Variants in SIPA1L3 observed in about 807,000 individuals in gnomAD.
The protein encoded by SIPA1L3 is signal induced proliferation associated 1 like 3.
In SIPA1L3, 59 loss-of-function variants were observed where a neutral mutation model predicts 150.1. The observed-to-expected ratio is 0.39, with a 90% confidence interval of 0.32 to 0.49. The LOEUF (loss-of-function observed/expected upper bound fraction) is 0.49, where lower values mean the gene tolerates loss of function less well. Ranked by LOEUF, SIPA1L3 falls within the 20% of genes least tolerant of loss-of-function variation. The probability of loss-of-function intolerance (pLI) is 0.86; values close to 1 mark genes in which losing one functional copy is unlikely to be tolerated. For synonymous variants in SIPA1L3, 1,070 were observed against 1,077.6 expected (o/e 0.99, Z 0.14); for missense variants, 2,211 against 2,489.5 (o/e 0.89, Z 2.38).
chr19:37,999,006 C>G (rs1289134202), intron 1 of SIPA1L3, among the ~76,000 whole-genome samples: 2 of 151,636 alleles, frequency 1.3e-5, no homozygotes, highest in South Asian at 4.2e-4. Flanking sequence ...CACACACACA[C>G]ACACACCCAC....
chr19:38,062,273 G>C (rs1051412896), intron 2 of SIPA1L3, among the ~76,000 whole-genome samples: 4 of 152,232 alleles, frequency 2.6e-5, no homozygotes, highest in African/African-American at 9.6e-5. Flanking sequence ...TAAGTGCCCC[G>C]GTGTTCATGG....
chr19:38,149,312 G>T (rs572264132), intron 12 of SIPA1L3, among the ~76,000 whole-genome samples: 3 of 152,086 alleles, frequency 2.0e-5, no homozygotes, highest in Non-Finnish European at 2.9e-5. Flanking sequence ...AGAGAATATC[G>T]CTTGAACCCT....
intron 4 of SIPA1L3, among the ~76,000 whole-genome samples, chr19:38,098,391 C>G (rs1970426258): frequency 7.8e-6 from 1 of 128,902 alleles, no homozygotes; most frequent in African/African-American, 2.9e-5. Context: ...AAGGGGCTTT[C>G]ATTTTTTTTT....
chr19:37,969,571 T>C (rs1276178011), intron 1 of SIPA1L3, among the ~76,000 whole-genome samples: 1 of 151,714 alleles, frequency 6.6e-6, no homozygotes, highest in Non-Finnish European at 1.5e-5. Context: ...ATAACACAAA[T>C]AAATAAAAAA....
intron 1 of SIPA1L3, chr19:37,932,404 C>G (rs1014792807): frequency 1.3e-5 from 2 of 152,352 alleles, no homozygotes; most frequent in South Asian, 2.1e-4. Flanking sequence ...TCTTTGGGAA[C>G]GCGCCTGTTC....
chr19:38,139,818 C>A (rs116860946), intron 10 of SIPA1L3, among the ~76,000 whole-genome samples: 2,784 of 152,318 alleles, frequency 0.018, 40 homozygotes, highest in Middle Eastern at 0.075. Flanking sequence ...GGTCTTTCTA[C>A]TTCCATGATG....
At chr19:37,970,176 G>A (rs976058731) in intron 1 of SIPA1L3, among the ~76,000 whole-genome samples, 3 of 152,168 alleles carry the variant, frequency 2.0e-5, no homozygotes, top group Non-Finnish European at 4.4e-5. Flanking sequence ...AAACCCTGGC[G>A]GTGAAATTTC....
intron 13 of SIPA1L3, among the ~76,000 whole-genome samples, chr19:38,153,986 C>T (rs955382856): frequency 9.9e-5 from 15 of 152,100 alleles, no homozygotes; most frequent in African/African-American, 3.4e-4. Flanking sequence ...GATAACCTAT[C>T]GCAGAGTGGA....
intron 11 of SIPA1L3, among the ~76,000 whole-genome samples, chr19:38,141,680 C>T (rs1017690082): frequency 2.6e-5 from 4 of 152,170 alleles, no homozygotes; most frequent in East Asian, 1.9e-4. Flanking sequence ...ACTAAGTAGA[C>T]GACTGAAGCT....
rs571555680 is a variant in SIPA1L3, at chr19:38,162,014, C to T, written c.3662-239C>T. Among the ~76,000 whole-genome samples the T allele has an allele frequency of 2.6e-5, 4 of 152,320 alleles. No individual in the cohort carries two copies. The East Asian group carries it at 7.7e-4, about 29-fold the overall frequency. On this transcript the variant is annotated intron_variant, in intron 13 of 21. Transcript: ENST00000222345. ...CTATGATCATTCCATTGCACTTTAG[C>T]CTGGGTGACAGGGAGAGAGGGAAAT...
At chr19:37,999,091 T>C (rs554807975) in intron 1 of SIPA1L3, among the ~76,000 whole-genome samples, 317 of 152,150 alleles carry the variant, frequency 2.1e-3, no homozygotes, top group Non-Finnish European at 3.7e-3. Context: ...GTTGGGAAGG[T>C]CCTGAGCCAG....
chr19:38,110,120 G>A, intron 7 of SIPA1L3, 107 bp from the exon 8 acceptor site: 1 of 1,067,410 alleles, frequency 9.4e-7, no homozygotes. Flanking sequence ...TGTGTGAGCA[G>A]GGAGTGGGAA....
chr19:37,976,758 G>C (rs1332080484), intron 1 of SIPA1L3, among the ~76,000 whole-genome samples: 1 of 152,008 alleles, frequency 6.6e-6, no homozygotes, highest in Admixed American at 6.6e-5. Context: ...GACGTGTTTA[G>C]AACAGTGTGT....
At chr19:38,196,110 A>T (rs945196324) in intron 18 of SIPA1L3, among the ~76,000 whole-genome samples, 9 of 152,178 alleles carry the variant, frequency 5.9e-5, no homozygotes, top group African/African-American at 2.2e-4. Context: ...TGCCTGCTCC[A>T]GAGCCCTTCC....
At chr19:37,976,859 G>C (rs1268053044) in intron 1 of SIPA1L3, among the ~76,000 whole-genome samples, 1 of 151,906 alleles carries the variant, frequency 6.6e-6, no homozygotes. Flanking sequence ...TTTTGAGATG[G>C]GGTCTCACTC....
chr19:38,082,981 C>T lies in SIPA1L3; in HGVS notation c.1416C>T (p.Ser472=), dbSNP rs879096891. 1 of 1,613,198 alleles carries T rather than the reference C, an allele frequency of 6.2e-7. No homozygotes were observed. Among genetic ancestry groups the T allele is most frequent in the South Asian group, 1.1e-5 (1 of 91,084 alleles). ...TGAGCGCCTACCGCACCAACGCCAG[C>T]ATCTCGGTGTTGGAAGTTCCCAAGG... ...PALSAYRTNA[S]ISVLEVPKEQ... Residue 472 remains serine, a synonymous_variant, in exon 3 of 22, where the codon AGC becomes AGT. Coordinates refer to ENST00000222345, the MANE Select transcript of SIPA1L3 (RefSeq NM_015073.3).
intron 1 of SIPA1L3, among the ~76,000 whole-genome samples, chr19:37,958,699 T>G (rs1253682908): frequency 6.6e-6 from 1 of 152,146 alleles, no homozygotes; most frequent in African/African-American, 2.4e-5. Flanking sequence ...TTGGACTTCA[T>G]GAAAATTTAA....
chr19:38,002,102 T>C (rs1421651403), intron 1 of SIPA1L3, among the ~76,000 whole-genome samples: 2 of 152,200 alleles, frequency 1.3e-5, no homozygotes, highest in African/African-American at 4.8e-5. Context: ...TCAGTGGCAT[T>C]CAGTACATGC....
intron 1 of SIPA1L3, among the ~76,000 whole-genome samples, chr19:37,929,477 C>T (rs1184659199): frequency 6.6e-6 from 1 of 152,230 alleles, no homozygotes; most frequent in Non-Finnish European, 1.5e-5. Flanking sequence ...AAACTGTGCA[C>T]AAAGTCCCAG....
Sources: allele counts gnomAD v4.1 joint callset (sites outside exome capture counted in the v4.1 genomes callset), GRCh38; gene constraint gnomAD v4.1.1; transcripts MANE v1.5; gene names NCBI Gene and HGNC (gene_info 2026-07-23, HGNC 2026-07-21).